PKNOX2: variants seen among roughly 807,000 people sequenced by gnomAD.
PKNOX2 encodes the protein homeobox protein PKNOX2.
A neutral mutation model predicts 53.1 loss-of-function variants in PKNOX2; 14 were observed. That is an observed-to-expected ratio of 0.26 (90% CI 0.17 to 0.41). The LOEUF (loss-of-function observed/expected upper bound fraction) is 0.41, where lower values mean the gene tolerates loss of function less well. Ranked by LOEUF, PKNOX2 falls within the 10% of genes least tolerant of loss-of-function variation. The probability of loss-of-function intolerance (pLI) is 1.00; values close to 1 mark genes in which losing one functional copy is unlikely to be tolerated. For synonymous variants in PKNOX2, 257 were observed against 242.8 expected (o/e 1.06, Z -0.54); for missense variants, 496 against 602.8 (o/e 0.82, Z 1.85).
chr11:125,423,055 C>CAT (rs1279361225), intron 10 of PKNOX2, among the ~76,000 whole-genome samples: 5 of 151,892 alleles, frequency 3.3e-5, no homozygotes, highest in African/African-American at 1.2e-4. Context: ...CACACACACA[C>CAT]ACACACATAT....
At chr11:125,419,915 G>A (rs928112412) in intron 10 of PKNOX2, among the ~76,000 whole-genome samples, 1 of 151,262 alleles carries the variant, frequency 6.6e-6, no homozygotes, top group African/African-American at 2.4e-5. Flanking sequence ...GAGTGCAGTG[G>A]CTCACACCTG....
chr11:125,223,551 G>T (rs1022839264), intron 1 of PKNOX2, among the ~76,000 whole-genome samples: 12 of 152,132 alleles, frequency 7.9e-5, no homozygotes, highest in African/African-American at 2.7e-4. Flanking sequence ...CTTCTAATCA[G>T]CTGAGGCTCA....
chr11:125,230,446 G>T (rs189360432), intron 1 of PKNOX2, among the ~76,000 whole-genome samples: 1 of 152,182 alleles, frequency 6.6e-6, no homozygotes, highest in East Asian at 1.9e-4. Context: ...CTGCAGATAC[G>T]CTGTTGGAGG....
chr11:125,358,731 G>C (rs1241149618), intron 4 of PKNOX2, among the ~76,000 whole-genome samples: 1 of 152,188 alleles, frequency 6.6e-6, no homozygotes, highest in South Asian at 2.1e-4. Flanking sequence ...CTGGGTTGGG[G>C]AATATTTTGA....
At chr11:125,228,978 A>C (rs886739789) in intron 1 of PKNOX2, among the ~76,000 whole-genome samples, 3 of 152,190 alleles carry the variant, frequency 2.0e-5, no homozygotes, top group Non-Finnish European at 4.4e-5. Flanking sequence ...AGCCTTCAGC[A>C]CCTGCCTTCT....
At position 125,422,703 on chromosome 11, in the gene PKNOX2, C is replaced by G. The variant is rs963929507; in HGVS notation, c.937-6309C>G. 6.6e-6 allele frequency among the ~76,000 whole-genome samples: 1 copy of G among 152,150 alleles called. No homozygotes were observed. Among genetic ancestry groups the G allele is most frequent in the African/African-American group, 2.4e-5 (1 of 41,424 alleles). ...CAGGACACCCCAGAGGGCTGCAGCT[C>G]TAAGAAAGTCCACCTGAAAAATGGC... On this transcript the variant is annotated intron_variant, in intron 10 of 12. Transcript: ENST00000298282. This position sits in a 1 kb window ranked among gnomAD's most constrained non-coding sequence, Gnocchi z 4.1.
chr11:125,269,264 C>A (rs1033466752), intron 2 of PKNOX2, among the ~76,000 whole-genome samples: 1 of 152,096 alleles, frequency 6.6e-6, no homozygotes, highest in Non-Finnish European at 1.5e-5. Context: ...TCCACCTCCC[C>A]CTAGGCCCAG....
rs749019942 is a variant in PKNOX2, at chr11:125,166,531, G to C, written c.-201+1755G>C. Reference sequence around the variant, plus strand: ...CTGAGGTCCCGACCCAGGCGGCTCGGAGTGCTCCAGGAGCCACCTGGGTCT... The same window carrying C: ...CTGAGGTCCCGACCCAGGCGGCTCGCAGTGCTCCAGGAGCCACCTGGGTCT... On this transcript the variant is annotated intron_variant, in intron 1 of 12. Transcript: ENST00000298282. The surrounding 1 kb of genome is among the most constrained non-coding windows in gnomAD (Gnocchi z 4.0). Among the ~76,000 whole-genome samples the C allele has an allele frequency of 2.0e-4, 31 of 152,132 alleles. No individual in the cohort carries two copies. The highest frequency in any genetic ancestry group is 4.0e-4 in the Non-Finnish European group (27 of 68,008).
At chr11:125,411,245 C>G (rs1353794855) in intron 9 of PKNOX2, 1 of 308,142 alleles carries the variant, frequency 3.2e-6, no homozygotes, top group African/African-American at 2.1e-5. Context: ...CCTAACCTCT[C>G]TGAGCCTCAG....
intron 12 of PKNOX2, 48 bp from the exon 13 acceptor site, chr11:125,431,118 C>T: frequency 6.3e-7 from 1 of 1,589,670 alleles, no homozygotes; most frequent in Non-Finnish European, 8.6e-7. Flanking sequence ...AGGTGCTGGC[C>T]CTGACCAGCA....
chr11:125,262,407 T>C (rs1306248317), intron 2 of PKNOX2, among the ~76,000 whole-genome samples: 1 of 151,634 alleles, frequency 6.6e-6, no homozygotes, highest in Non-Finnish European at 1.5e-5. Flanking sequence ...CCTCTCTGGC[T>C]GAGGGGGTGT....
intron 1 of PKNOX2, among the ~76,000 whole-genome samples, chr11:125,198,053 C>T (rs530603331): frequency 2.0e-5 from 3 of 152,322 alleles, no homozygotes; most frequent in Admixed American, 2.0e-4. Context: ...TGGATAGAAG[C>T]TTGAAAAGGG....
intron 5 of PKNOX2, among the ~76,000 whole-genome samples, chr11:125,374,813 T>C (rs1188569828): frequency 2.0e-5 from 3 of 152,190 alleles, no homozygotes; most frequent in East Asian, 3.8e-4. Context: ...TGGCAGTGCT[T>C]GGCACACAGA....
rs537713579 is a variant in PKNOX2 at position 125,184,695 on chromosome 11, T to C, written c.-201+19919T>C. Among the ~76,000 whole-genome samples, 3 of 152,258 alleles carry C rather than the reference T, an allele frequency of 2.0e-5. No homozygotes were observed. The South Asian group carries it at 6.2e-4, about 32-fold the overall frequency. The stretch of plus-strand genomic sequence containing the variant: ...CTGTGCTGACTGCCATTCCCTGCCC[T>C]CTCCTCAGAACCTCTTCTCACACCC... On this transcript the variant is annotated intron_variant, in intron 1 of 12. Coordinates refer to ENST00000298282, the MANE Select transcript of PKNOX2 (RefSeq NM_001382323.2).
intron 1 of PKNOX2, among the ~76,000 whole-genome samples, chr11:125,218,318 T>G (rs1940761236): frequency 7.1e-6 from 1 of 140,446 alleles, no homozygotes; most frequent in African/African-American, 2.7e-5. Context: ...GGGAAGTGAG[T>G]GGGGTGGGGG....
At chr11:125,219,306 C>T (rs927516268) in intron 1 of PKNOX2, among the ~76,000 whole-genome samples, 2 of 151,930 alleles carry the variant, frequency 1.3e-5, no homozygotes, top group African/African-American at 2.4e-5. Flanking sequence ...GAGGTGGTGG[C>T]GCACACCTGT....
intron 1 of PKNOX2, among the ~76,000 whole-genome samples, chr11:125,171,508 C>A (rs1955319361): frequency 6.6e-6 from 1 of 152,194 alleles, no homozygotes; most frequent in South Asian, 2.1e-4. Context: ...CCAGTTACCC[C>A]ATTTGTAAAT....
chr11:125,369,917 C>T (rs1014303337), intron 5 of PKNOX2, among the ~76,000 whole-genome samples: 3 of 152,134 alleles, frequency 2.0e-5, no homozygotes, highest in Non-Finnish European at 2.9e-5. Context: ...CTGGCAGCAT[C>T]GTATCACCTG....
At chr11:125,262,629 T>C (rs987054784) in intron 2 of PKNOX2, among the ~76,000 whole-genome samples, 1 of 151,900 alleles carries the variant, frequency 6.6e-6, no homozygotes, top group African/African-American at 2.4e-5. Context: ...CTCCCTGTCC[T>C]TTCTCTACCC....
Sources: gnomAD v4.1 joint callset for allele counts (sites outside exome capture counted in the v4.1 genomes callset) on GRCh38, gnomAD v4.1.1 for gene constraint, Gnocchi (gnomAD v3.1) non-coding constraint, MANE v1.5 for transcripts, NCBI Gene and HGNC (gene_info 2026-07-23, HGNC 2026-07-21) for gene names.